HTR1F: variants seen among roughly 807,000 people sequenced by gnomAD.
The protein encoded by HTR1F is 5-hydroxytryptamine receptor 1F.
A neutral mutation model predicts 24.0 loss-of-function variants in HTR1F; 17 were observed. The ratio of observed to expected loss-of-function variants is 0.71; its 90% CI spans 0.48 to 1.06. HTR1F has a LOEUF of 1.06. HTR1F is among the 50% of genes least tolerant of loss of function. The pLI, the probability that HTR1F is intolerant of heterozygous loss-of-function variation, is 0.00. For synonymous variants in HTR1F, 186 were observed against 156.8 expected (o/e 1.19, Z -1.39); for missense variants, 391 against 427.8 (o/e 0.91, Z 0.76).
chr3:87,873,373 A>G (rs916644640), intron 2 of HTR1F, among the ~76,000 whole-genome samples: 3 of 152,124 alleles, frequency 2.0e-5, no homozygotes, highest in Non-Finnish European at 4.4e-5. Context: ...CAGAGTCTGA[A>G]GGCCCAAGAA....
intron 2 of HTR1F, among the ~76,000 whole-genome samples, chr3:87,892,291 G>C (rs1706101894): frequency 6.6e-6 from 1 of 152,154 alleles, no homozygotes; most frequent in Non-Finnish European, 1.5e-5. Context: ...AACAGCAAAA[G>C]TTAGTTTAAT....
rs1438364265 is a variant in HTR1F at position 87,843,441 on chromosome 3, A to G, written c.-43+21317A>G. 2.0e-5 allele frequency among the ~76,000 whole-genome samples: 3 copies of G among 151,682 alleles called. No homozygotes were observed. The East Asian group carries it at 5.8e-4, about 29-fold the overall frequency. ...GTTGTTTTGAAGTAACTTGAGAGCA[A>G]ACATAAATTTCTTGCCATAGATACC... On this transcript the variant is annotated intron_variant, in intron 2 of 2. Coordinates refer to ENST00000319595, the MANE Select transcript of HTR1F (RefSeq NM_001322209.2).
intron 2 of HTR1F, among the ~76,000 whole-genome samples, chr3:87,954,989 GC>G (rs1303335421): frequency 6.6e-6 from 1 of 151,178 alleles, no homozygotes; most frequent in Non-Finnish European, 1.5e-5. Context: ...CTGGACTGTA[GC>G]TACCCCTGCT....
intron 2 of HTR1F, among the ~76,000 whole-genome samples, chr3:87,824,044 T>TA (rs35672458): frequency 0.025 from 3,378 of 134,942 alleles, 100 homozygotes; most frequent in African/African-American, 0.064. Context: ...AGACTCCGCC[T>TA]AAAAAAAAAA....
intron 1 of HTR1F, among the ~76,000 whole-genome samples, chr3:87,806,893 C>T (rs1301535564): frequency 2.0e-5 from 3 of 151,758 alleles, no homozygotes; most frequent in Non-Finnish European, 4.4e-5. Flanking sequence ...TGAAGAGACT[C>T]CCCAATGTAT....
intron 2 of HTR1F, among the ~76,000 whole-genome samples, chr3:87,866,770 TGTTC>T (rs1222629647): frequency 6.6e-6 from 1 of 151,658 alleles, no homozygotes; most frequent in African/African-American, 2.4e-5. Context: ...GCAGGAAAAT[TGTTC>T]GGGTTAGAAT....
chr3:87,973,539 T>G (rs772899023), intron 2 of HTR1F, among the ~76,000 whole-genome samples: 7 of 152,332 alleles, frequency 4.6e-5, no homozygotes, highest in Non-Finnish European at 1.0e-4. Flanking sequence ...TAATAATGGC[T>G]TTTAAAAAAC....
At chr3:87,951,706 T>C (rs1198304897) in intron 2 of HTR1F, among the ~76,000 whole-genome samples, 1 of 152,114 alleles carries the variant, frequency 6.6e-6, no homozygotes, top group Non-Finnish European at 1.5e-5. Context: ...TGATGTTGTA[T>C]ATTCTGTAGA....
intron 2 of HTR1F, among the ~76,000 whole-genome samples, chr3:87,823,240 A>C (rs974318088): frequency 2.0e-5 from 3 of 152,194 alleles, no homozygotes; most frequent in African/African-American, 7.2e-5. Flanking sequence ...ATATTAATTT[A>C]TAATTCTATA....
At chr3:87,894,429 G>GTATT (rs1389233369) in intron 2 of HTR1F, among the ~76,000 whole-genome samples, 1 of 151,838 alleles carries the variant, frequency 6.6e-6, no homozygotes, top group African/African-American at 2.4e-5. Context: ...GGTAATTTTT[G>GTATT]TATTTTCTTA....
chr3:87,970,162 C>T (rs2107494492), intron 2 of HTR1F, among the ~76,000 whole-genome samples: 1 of 152,248 alleles, frequency 6.6e-6, no homozygotes, highest in East Asian at 1.9e-4. Flanking sequence ...CAACATTAAG[C>T]AGAGTAGTGG....
chr3:87,897,471 G>A (rs1706225153), intron 2 of HTR1F, among the ~76,000 whole-genome samples: 1 of 151,958 alleles, frequency 6.6e-6, no homozygotes, highest in South Asian at 2.1e-4. Flanking sequence ...ATTCAGTTTT[G>A]TTTGAAAATA....
At chr3:87,807,029 T>C (rs1373273633) in intron 1 of HTR1F, among the ~76,000 whole-genome samples, 1 of 152,062 alleles carries the variant, frequency 6.6e-6, no homozygotes, top group African/African-American at 2.4e-5. Flanking sequence ...TTAGTTACCA[T>C]AGCCTTGTAA....
chr3:87,820,215 C>T (rs1195787822), intron 1 of HTR1F, among the ~76,000 whole-genome samples: 2 of 138,284 alleles, frequency 1.4e-5, no homozygotes, highest in Non-Finnish European at 3.0e-5. Flanking sequence ...CTCGCTCTGT[C>T]GCCCAGGCTG....
intron 2 of HTR1F, among the ~76,000 whole-genome samples, chr3:87,828,727 A>G (rs1168551226): frequency 1.3e-5 from 2 of 152,208 alleles, no homozygotes; most frequent in African/African-American, 2.4e-5. Flanking sequence ...TATAATAGCA[A>G]TAGACATTCT....
intron 2 of HTR1F, among the ~76,000 whole-genome samples, chr3:87,869,806 A>G (rs1414544090): frequency 3.3e-5 from 5 of 152,060 alleles, no homozygotes; most frequent in Non-Finnish European, 7.4e-5. Flanking sequence ...TTAAATGTTA[A>G]TCTCACCCAA....
At chr3:87,970,385 T>C (rs1355126514) in intron 2 of HTR1F, among the ~76,000 whole-genome samples, 1 of 152,198 alleles carries the variant, frequency 6.6e-6, no homozygotes, top group Admixed American at 6.5e-5. Context: ...TTTCTTAAAG[T>C]TCCTAAGTGA....
intron 2 of HTR1F, among the ~76,000 whole-genome samples, chr3:87,840,986 G>A (rs528009588): frequency 6.6e-5 from 10 of 151,920 alleles, no homozygotes; most frequent in Non-Finnish European, 1.3e-4. Context: ...GCTACTGTTA[G>A]ATAAGAGACA....
chr3:87,945,209 A>C (rs1415258940), intron 2 of HTR1F, among the ~76,000 whole-genome samples: 3 of 151,918 alleles, frequency 2.0e-5, no homozygotes, highest in African/African-American at 7.3e-5. Flanking sequence ...AACGGGTCCC[A>C]CATAACTGCC....
Sources: gnomAD v4.1 joint callset for allele counts (sites outside exome capture counted in the v4.1 genomes callset) on GRCh38, gnomAD v4.1.1 for gene constraint, MANE v1.5 for transcripts, NCBI Gene and HGNC (gene_info 2026-07-23, HGNC 2026-07-21) for gene names.